Variants in BACH2 observed in about 807,000 individuals in gnomAD.
BACH2 encodes the protein transcription regulator protein BACH2.
In BACH2, 5 loss-of-function variants were observed where a neutral mutation model predicts 61.8. That is an observed-to-expected ratio of 0.08 (90% CI 0.04 to 0.17). The LOEUF is 0.17. BACH2 is among the 10% of genes least tolerant of loss of function. The pLI is 1.00. For missense variants in BACH2, 824 were observed against 1,091.1 expected, an observed-to-expected ratio of 0.76 and a Z score of 3.45; for synonymous variants, 446 against 440.1, an observed-to-expected ratio of 1.01 and a Z score of -0.17.
intron 4 of BACH2, among the ~76,000 whole-genome samples, chr6:90,200,038 G>A (rs888429902): frequency 3.3e-5 from 5 of 152,110 alleles, no homozygotes; most frequent in African/African-American, 1.2e-4. Context: ...TTCTATCAGT[G>A]TTTACCATAC....
At chr6:89,967,762 C>T (rs902119039) in intron 6 of BACH2, among the ~76,000 whole-genome samples, 4 of 152,200 alleles carry the variant, frequency 2.6e-5, no homozygotes, top group Admixed American at 2.0e-4. Flanking sequence ...AAAACTAATA[C>T]TGCTTTTATA....
chr6:90,157,180 T>C (rs931535337), intron 4 of BACH2, among the ~76,000 whole-genome samples: 3 of 152,258 alleles, frequency 2.0e-5, no homozygotes, highest in Non-Finnish European at 4.4e-5. Context: ...GAATACGAGC[T>C]CACATTCCAG....
chr6:89,982,808 G>C (rs929796056), intron 6 of BACH2, among the ~76,000 whole-genome samples: 2 of 152,210 alleles, frequency 1.3e-5, no homozygotes, highest in African/African-American at 4.8e-5. Context: ...GCCATGGCAA[G>C]CAGGGCCGGG....
intron 6 of BACH2, among the ~76,000 whole-genome samples, chr6:90,003,554 A>G (rs887336166): frequency 3.3e-5 from 5 of 152,206 alleles, no homozygotes; most frequent in Non-Finnish European, 7.3e-5. Context: ...AGGTTCGCCT[A>G]GCACCTAGAA....
At chr6:90,100,575 T>C (rs1782569526) in intron 4 of BACH2, among the ~76,000 whole-genome samples, 1 of 152,092 alleles carries the variant, frequency 6.6e-6, no homozygotes, top group Non-Finnish European at 1.5e-5. Flanking sequence ...ACATCGATGC[T>C]TCTCTGGGTC....
chr6:90,236,483 A>G (rs1472272406), intron 3 of BACH2, among the ~76,000 whole-genome samples: 4 of 152,224 alleles, frequency 2.6e-5, no homozygotes, highest in Non-Finnish European at 5.9e-5. Context: ...ACATTCTGGG[A>G]TTTAGACACC....
chr6:90,005,851 T>C (rs918571847), intron 6 of BACH2, among the ~76,000 whole-genome samples: 2 of 152,218 alleles, frequency 1.3e-5, no homozygotes, highest in Non-Finnish European at 2.9e-5. Context: ...AATGTTTCAA[T>C]GGTTTCGAGG....
chr6:90,174,971 T>C (rs900169384), intron 4 of BACH2, among the ~76,000 whole-genome samples: 4 of 150,104 alleles, frequency 2.7e-5, no homozygotes, highest in East Asian at 1.9e-4. Context: ...AGGAAAGTAG[T>C]TGGGGAGAGG....
chr6:90,111,302 C>T (rs983548531), intron 4 of BACH2, among the ~76,000 whole-genome samples: 3 of 152,192 alleles, frequency 2.0e-5, no homozygotes, highest in Non-Finnish European at 4.4e-5. Context: ...CCTTGATGGT[C>T]TCTATGCTTT....
intron 4 of BACH2, among the ~76,000 whole-genome samples, chr6:90,128,893 T>C (rs964160574): frequency 1.4e-4 from 21 of 152,104 alleles, no homozygotes; most frequent in Admixed American, 1.3e-3. Context: ...TAAAAAATGA[T>C]GAGTTCATGT....
In BACH2 at chr6:89,928,303, T is replaced by C. The variant is rs1056919668; in HGVS notation, c.*4105A>G. 3 of 152,278 alleles carry C rather than the reference T, an allele frequency of 2.0e-5. No homozygotes were observed. The highest frequency in any genetic ancestry group is 4.4e-5 in the Non-Finnish European group (3 of 68,010). 9.4% of individuals were successfully genotyped at this position (152,278 alleles called of 1,614,324 possible). ...TTAAATGGGGCATAATGTAGAGAAG[T>C]AGGTAGCCAAATAGGGACTTGAGAA... On this transcript the variant is annotated 3_prime_UTR_variant, in exon 9 of 9. Coordinates refer to ENST00000257749, the MANE Select transcript of BACH2 (RefSeq NM_021813.4).
intron 7 of BACH2, among the ~76,000 whole-genome samples, chr6:89,945,093 C>G (rs1315615957): frequency 6.6e-6 from 1 of 152,170 alleles, no homozygotes. Context: ...ATGGTATAGC[C>G]ACTTTGGAAA....
chr6:90,161,106 G>A (rs1034059643), intron 4 of BACH2, among the ~76,000 whole-genome samples: 66 of 146,602 alleles, frequency 4.5e-4, no homozygotes, highest in Non-Finnish European at 7.8e-4. Context: ...AAAAAAAAAG[G>A]ATTTTTGCCC....
chr6:90,246,511 A>G (rs948187279), intron 3 of BACH2, among the ~76,000 whole-genome samples: 1 of 152,196 alleles, frequency 6.6e-6, no homozygotes, highest in African/African-American at 2.4e-5. Flanking sequence ...TGTCTAATGT[A>G]GTACAGTGTA....
rs1261225143 is a variant in BACH2, at chr6:89,930,164, CAA to C, written c.*2242_*2243del. 6 of 120,172 alleles carry C rather than the reference CAA, an allele frequency of 5.0e-5. No individual in the cohort carries two copies. Among genetic ancestry groups the C allele is most frequent in the African/African-American group, 1.2e-4 (4 of 33,418 alleles). 7.4% of individuals were successfully genotyped at this position (120,172 alleles called of 1,614,324 possible). A position where few individuals can be genotyped will look rare whatever the true frequency, so the allele number is the denominator to read the frequency against. ...ACACACACACACACACACACACACA[CAA>C]ACAAGAAAAAACAAAAACCCAGAGG... On this transcript the variant is annotated 3_prime_UTR_variant, in exon 9 of 9. Transcript: ENST00000257749.
At chr6:90,110,821 G>A (rs1381520378) in intron 4 of BACH2, among the ~76,000 whole-genome samples, 1 of 152,142 alleles carries the variant, frequency 6.6e-6, no homozygotes, top group Admixed American at 6.6e-5. Context: ...AACTGCACAC[G>A]GGTTTTTCCT....
chr6:90,058,468 A>G (rs1156956411), intron 5 of BACH2, among the ~76,000 whole-genome samples: 2 of 152,216 alleles, frequency 1.3e-5, no homozygotes, highest in Non-Finnish European at 1.5e-5. Flanking sequence ...TCAGTGAAAT[A>G]AAAGAGGATA....
At chr6:90,241,868 G>A (rs928561660) in intron 3 of BACH2, among the ~76,000 whole-genome samples, 6 of 151,550 alleles carry the variant, frequency 4.0e-5, no homozygotes, top group African/African-American at 7.3e-5. Context: ...CATTATACAA[G>A]GCTTTTGTTT....
chr6:90,039,545 C>T (rs1025196089), intron 5 of BACH2, among the ~76,000 whole-genome samples: 2 of 152,050 alleles, frequency 1.3e-5, no homozygotes, highest in Non-Finnish European at 2.9e-5. Context: ...CTACCACGGC[C>T]GGCTAATTTT....
Sources: gnomAD v4.1 joint callset for allele counts (sites outside exome capture counted in the v4.1 genomes callset) on GRCh38, gnomAD v4.1.1 for gene constraint, MANE v1.5 for transcripts, NCBI Gene and HGNC (gene_info 2026-07-23, HGNC 2026-07-21) for gene names.